PPP1R9A: variants seen among roughly 807,000 people sequenced by gnomAD.
The protein encoded by PPP1R9A is protein phosphatase 1 regulatory subunit 9A, also known as neurabin-1.
Under a neutral mutation model 141.9 loss-of-function variants are expected in PPP1R9A, and 59 were observed. The ratio of observed to expected loss-of-function variants is 0.42; its 90% CI spans 0.34 to 0.52. The LOEUF is 0.52. PPP1R9A is among the 20% of genes least tolerant of loss of function. The probability of loss-of-function intolerance (pLI) is 0.10; values close to 1 mark genes in which losing one functional copy is unlikely to be tolerated. For missense variants in PPP1R9A, 1,444 were observed against 1,611.9 expected, an observed-to-expected ratio of 0.90 and a Z score of 1.78; for synonymous variants, 500 against 569.7, an observed-to-expected ratio of 0.88 and a Z score of 1.74.
chr7:94,961,496 TG>T (rs1419965714), intron 2 of PPP1R9A, among the ~76,000 whole-genome samples: 4 of 151,800 alleles, frequency 2.6e-5, no homozygotes, highest in African/African-American at 9.7e-5. Flanking sequence ...AGGTTATGTT[TG>T]AAAGACTGTG....
intron 2 of PPP1R9A, among the ~76,000 whole-genome samples, chr7:94,968,424 G>A (rs1332329585): frequency 6.6e-6 from 1 of 151,998 alleles, no homozygotes; most frequent in Non-Finnish European, 1.5e-5. Context: ...CACCCGCCTC[G>A]GCCTCCCAAA....
At chr7:95,105,484 C>T (rs1167619066) in intron 2 of PPP1R9A, among the ~76,000 whole-genome samples, 1 of 152,156 alleles carries the variant, frequency 6.6e-6, no homozygotes, top group African/African-American at 2.4e-5. Flanking sequence ...GGCTCTGAAA[C>T]AAGAAGTCTT....
chr7:95,239,901 G>T (rs142083555), intron 8 of PPP1R9A, among the ~76,000 whole-genome samples: 3 of 151,818 alleles, frequency 2.0e-5, no homozygotes, highest in Non-Finnish European at 4.4e-5. Context: ...GGTTCTAAGC[G>T]AGATTATTAA....
intron 2 of PPP1R9A, among the ~76,000 whole-genome samples, chr7:94,980,324 A>G (rs932474171): frequency 7.2e-5 from 11 of 152,160 alleles, no homozygotes; most frequent in Admixed American, 6.5e-5. Flanking sequence ...TAAGCAGTGC[A>G]TTGGCACATT....
intron 14 of PPP1R9A, among the ~76,000 whole-genome samples, chr7:95,270,972 G>C (rs1286820355): frequency 6.6e-6 from 1 of 152,068 alleles, no homozygotes; most frequent in Non-Finnish European, 1.5e-5. Context: ...ATTGCGTCCA[G>C]CTGAGGTTGG....
rs117794159 is a variant in PPP1R9A, at chr7:95,086,611, A to G, written c.1396-24648A>G. ...GTTCTAAATTCTAGAATGGGGAAAC[A>G]GGGAATAAAGGTTTTTCTTAAAACC... On this transcript the variant is annotated intron_variant, in intron 2 of 19. Coordinates refer to ENST00000433360, the MANE Select transcript of PPP1R9A (RefSeq NM_001166160.2). Among the ~76,000 whole-genome samples, 600 of 152,128 alleles carry G rather than the reference A, an allele frequency of 3.9e-3. 3 individuals are homozygous for G. The highest frequency in any genetic ancestry group is 0.01 in the Middle Eastern group (3 of 294).
rs569531239 is a variant in PPP1R9A at position 95,091,815 on chromosome 7, C to T, written c.1396-19444C>T. Among the ~76,000 whole-genome samples the T allele has an allele frequency of 1.4e-3, 200 of 142,418 alleles. 1 individual carries two copies. The highest frequency in any genetic ancestry group is 3.7e-3 in the Middle Eastern group (1 of 272). 93.4% of individuals were successfully genotyped at this position (142,418 alleles called of 152,430 possible). On this transcript the variant is annotated intron_variant, in intron 2 of 19. Transcript: ENST00000433360. ...CTTATTTTAGTTTTGGCATTTGGTG[C>T]GTTAATAATGCTTTTTTTTTTTTTT... is the stretch of plus-strand genomic sequence containing the variant.
At chr7:95,000,350 A>G (rs1385628325) in intron 2 of PPP1R9A, among the ~76,000 whole-genome samples, 5 of 152,198 alleles carry the variant, frequency 3.3e-5, no homozygotes, top group African/African-American at 1.2e-4. Context: ...TGTTGATTTC[A>G]TGTAGATTTT....
chr7:95,111,221 T>C (rs1265965402), intron 2 of PPP1R9A, 38 bp from the exon 3 acceptor site: 1 of 1,523,440 alleles, frequency 6.6e-7, no homozygotes, highest in South Asian at 1.3e-5. Context: ...GGTTTTTTTT[T>C]TTTTCTGTAT....
At chr7:94,937,183 G>A (rs577810379) in intron 2 of PPP1R9A, among the ~76,000 whole-genome samples, 15 of 152,132 alleles carry the variant, frequency 9.9e-5, no homozygotes, top group African/African-American at 3.6e-4. Context: ...GAGTGTTGTG[G>A]GATAGGCTCC....
chr7:95,172,767 G>C (rs1832318367), intron 5 of PPP1R9A, among the ~76,000 whole-genome samples: 1 of 151,816 alleles, frequency 6.6e-6, no homozygotes, highest in Non-Finnish European at 1.5e-5. Context: ...TTATTTTGTA[G>C]ATGTTATTGT....
At chr7:95,086,698 G>A (rs1816679454) in intron 2 of PPP1R9A, among the ~76,000 whole-genome samples, 1 of 151,902 alleles carries the variant, frequency 6.6e-6, no homozygotes, top group African/African-American at 2.4e-5. Flanking sequence ...CTTTTCTACT[G>A]CACTTCACTG....
At chr7:95,041,535 A>G (rs554460969) in intron 2 of PPP1R9A, among the ~76,000 whole-genome samples, 5 of 152,216 alleles carry the variant, frequency 3.3e-5, no homozygotes, top group South Asian at 2.1e-4. Context: ...CAGCTTTTCT[A>G]TAGCCTCCCT....
chr7:95,259,494 C>G (rs951642668), intron 12 of PPP1R9A, among the ~76,000 whole-genome samples: 7 of 152,080 alleles, frequency 4.6e-5, no homozygotes, highest in African/African-American at 1.7e-4. Flanking sequence ...CATAAGGGTG[C>G]TCCTAAGGTC....
chr7:95,290,172 C>T lies in PPP1R9A; in HGVS notation c.3994C>T (p.Arg1332Trp), dbSNP rs771122346. The change falls in exon 20 of 20, where the codon CGG (arginine) becomes TGG (tryptophan). Residue 1332 changes from arginine (R) to tryptophan (W), a missense_variant. By Grantham distance (101) the Arg-to-Trp change is moderately radical (BLOSUM62 -3). Transcript: ENST00000433360. Reference protein sequence around the residue: ...KEMKMSLEKARKAQEKMEKQR... With the variant: ...KEMKMSLEKAWKAQEKMEKQR... ...AATGAAGATGTCTCTAGAGAAGGCT[C>T]GGAAGGCCCAAGAGAAAATGGAAAA... 17 of 1,613,670 alleles carry T rather than the reference C, an allele frequency of 1.1e-5. No individual in the cohort carries two copies. In the East Asian group the frequency reaches 2.5e-4, roughly 23 times the overall value.
intron 17 of PPP1R9A, among the ~76,000 whole-genome samples, chr7:95,284,839 C>A (rs912282332): frequency 6.6e-5 from 10 of 152,216 alleles, no homozygotes; most frequent in Non-Finnish European, 1.3e-4. Flanking sequence ...TCCAGCATGA[C>A]ACTGCAAACC....
chr7:95,076,893 A>G (rs562444762), intron 2 of PPP1R9A, among the ~76,000 whole-genome samples: 2 of 152,044 alleles, frequency 1.3e-5, no homozygotes, highest in Non-Finnish European at 2.9e-5. Context: ...AATCTTTTCC[A>G]GTTTATTTTT....
rs568713220 is a variant in PPP1R9A at position 95,222,926 on chromosome 7, A to G, written c.1957-3035A>G. Among the ~76,000 whole-genome samples the G allele has an allele frequency of 5.3e-4, 80 of 152,096 alleles. 2 individuals carry two copies. The highest frequency in any genetic ancestry group is 1.9e-3 in the African/African-American group (78 of 41,518). ...TAAAGATAAAATATTAGAAGAACCT[A>G]TTTTTCTTAGTCCACTAAGTGTAAC... On this transcript the variant is annotated intron_variant, in intron 7 of 19. Transcript: ENST00000433360.
intron 5 of PPP1R9A, among the ~76,000 whole-genome samples, chr7:95,179,005 C>A (rs180838145): frequency 7.0e-4 from 107 of 152,066 alleles, no homozygotes; most frequent in African/African-American, 2.5e-3. Flanking sequence ...AAAGAGGGAA[C>A]CCTCCCTAAA....
Sources: allele counts gnomAD v4.1 joint callset (sites outside exome capture counted in the v4.1 genomes callset), GRCh38; gene constraint gnomAD v4.1.1; transcripts MANE v1.5; gene names NCBI Gene and HGNC (gene_info 2026-07-23, HGNC 2026-07-21).